The following HNRNPM variants were observed in gnomAD, a reference collection of about 807,000 sequenced individuals.
The protein encoded by HNRNPM is CEA receptor.
A neutral mutation model predicts 73.1 loss-of-function variants in HNRNPM; 11 were observed. The ratio of observed to expected loss-of-function variants is 0.15; its 90% CI spans 0.09 to 0.25. HNRNPM has a LOEUF of 0.25. HNRNPM is among the 10% of genes least tolerant of loss of function. The pLI, the probability that HNRNPM is intolerant of heterozygous loss-of-function variation, is 1.00. For missense variants in HNRNPM, 789 were observed against 1,067.9 expected, an observed-to-expected ratio of 0.74 and a Z score of 3.64; for synonymous variants, 407 against 355.2, an observed-to-expected ratio of 1.15 and a Z score of -1.64.
Position 8,465,522 on chromosome 19 carries a change from A to G in HNRNPM, c.630+7A>G. On this transcript the variant is annotated splice_region_variant and intron_variant, in intron 6 of 15. Coordinates refer to ENST00000325495, the MANE Select transcript of HNRNPM (RefSeq NM_005968.5). ...CACAGTATTTGTAGCAAATGTAAGT[A>G]AACAGAACCATCGTCTAAAGTAGAA... 1 of 1,573,542 alleles carries G rather than the reference A, an allele frequency of 6.4e-7. No individual in the cohort carries two copies. Among genetic ancestry groups the G allele is most frequent in the Non-Finnish European group, 8.7e-7 (1 of 1,151,422 alleles).
In HNRNPM at chr19:8,486,174, G is replaced by A. The variant is rs770058640; in HGVS notation, c.1746G>A (p.Glu582=). 1.9e-6 allele frequency: 3 copies of A among 1,587,292 alleles called. No individual in the cohort carries two copies. The highest frequency in any genetic ancestry group is 2.7e-5 in the African/African-American group (2 of 74,502). The change falls in exon 14 of 16, where the codon GAG becomes GAA. Residue 582 remains glutamate (E), a synonymous_variant. Transcript: ENST00000325495. The part of the protein sequence containing the change: ...GANSLERMGL[E]RMGANSLERM... The stretch of plus-strand genomic sequence containing the variant: ...ACAGCCTCGAGCGCATGGGCCTGGA[G>A]CGCATGGGTGCCAACAGCCTCGAGC...
intron 6 of HNRNPM, among the ~76,000 whole-genome samples, 197 bp from the exon 7 acceptor site, chr19:8,466,038 C>T (rs1043243565): frequency 5.3e-5 from 8 of 152,106 alleles, no homozygotes; most frequent in African/African-American, 1.9e-4. Flanking sequence ...AATATATTTA[C>T]TATAGGTACA....
chr19:8,461,726 G>A (rs1222022598), intron 2 of HNRNPM, among the ~76,000 whole-genome samples: 3 of 149,584 alleles, frequency 2.0e-5, no homozygotes, highest in East Asian at 1.9e-4. Context: ...GAATTTATTT[G>A]TGTCCTTTAA....
chr19:8,470,132 T>C lies in HNRNPM; in HGVS notation c.896-1194T>C, dbSNP rs1970028635. ...CTCCAGGGAGCCTGTTATCCATGGC[T>C]CTTGGTCTCCCGGCCATTTCGGAGG... is the stretch of plus-strand genomic sequence containing the variant. On this transcript the variant is annotated intron_variant, in intron 9 of 15. Coordinates refer to ENST00000325495, the MANE Select transcript of HNRNPM (RefSeq NM_005968.5). 2.0e-5 allele frequency among the ~76,000 whole-genome samples: 3 copies of C among 152,220 alleles called. 1 individual carries two copies. The South Asian group carries it at 6.2e-4, about 32-fold the overall frequency.
chr19:8,447,184 G>A (rs1358013736), intron 1 of HNRNPM, among the ~76,000 whole-genome samples: 2 of 151,598 alleles, frequency 1.3e-5, no homozygotes, highest in African/African-American at 4.8e-5. Flanking sequence ...AAGTCTCAAA[G>A]TCTAGTACTA....
chr19:8,468,661 G>T, intron 8 of HNRNPM, 113 bp from the exon 9 acceptor site: 1 of 762,802 alleles, frequency 1.3e-6, no homozygotes, highest in African/African-American at 1.7e-5. Flanking sequence ...ACTCCATGGC[G>T]TGGATAATGT....
At chr19:8,479,938 C>T (rs1226047311) in intron 12 of HNRNPM, among the ~76,000 whole-genome samples, 1 of 149,428 alleles carries the variant, frequency 6.7e-6, no homozygotes, top group Non-Finnish European at 1.5e-5. Context: ...CCATGTCCGG[C>T]TAATTTTTTG....
chr19:8,471,722 A>G (rs1206933522), intron 10 of HNRNPM, among the ~76,000 whole-genome samples: 3 of 152,218 alleles, frequency 2.0e-5, no homozygotes, highest in Non-Finnish European at 4.4e-5. Context: ...ATCTTGCTCA[A>G]GGTCACACTG....
In HNRNPM at chr19:8,445,013, C is replaced by A. The variant is rs762082643; in HGVS notation, c.15C>A (p.Val5=). 6 of 1,423,656 alleles carry A rather than the reference C, an allele frequency of 4.2e-6. No homozygotes were observed. The highest frequency in any genetic ancestry group is 3.0e-5 in the African/African-American group (2 of 66,728). 88.2% of individuals were successfully genotyped at this position (1,423,656 alleles called of 1,614,324 possible). A position where few individuals can be genotyped will look rare whatever the true frequency, so the allele number is the denominator to read the frequency against. Reference sequence around the variant, plus strand: ...ACGCGGAGAAAATGGCGGCAGGGGTCGAAGCGGCGGCGGAGGTGGCGGCGA... The same window carrying A: ...ACGCGGAGAAAATGGCGGCAGGGGTAGAAGCGGCGGCGGAGGTGGCGGCGA... MAAG[V]EAAAEVAATE... Residue 5 remains valine, a synonymous_variant, in exon 1 of 16, where the codon GTC becomes GTA. Coordinates refer to ENST00000325495, the MANE Select transcript of HNRNPM (RefSeq NM_005968.5).
intron 12 of HNRNPM, among the ~76,000 whole-genome samples, chr19:8,479,584 AG>A (rs1215413691): frequency 2.0e-5 from 3 of 151,896 alleles, no homozygotes; most frequent in Admixed American, 1.3e-4. Context: ...CTGAGTGGCT[AG>A]GAACACAGGC....
intron 10 of HNRNPM, among the ~76,000 whole-genome samples, chr19:8,473,355 G>A (rs2145705002): frequency 6.6e-6 from 1 of 152,242 alleles, no homozygotes. Flanking sequence ...CAGCTAGTCG[G>A]GAGGCTGAGG....
intron 1 of HNRNPM, among the ~76,000 whole-genome samples, chr19:8,451,499 A>G (rs1162082144): frequency 6.6e-6 from 1 of 151,522 alleles, no homozygotes; most frequent in African/African-American, 2.4e-5. Flanking sequence ...CTTTTATACT[A>G]TCACATCATC....
In HNRNPM at chr19:8,465,426, C is replaced by T. The variant is rs145100927; in HGVS notation, c.541C>T (p.Pro181Ser). ...TGGCCCAGGAATGATTACTATCCCACCCAGTATCCTAAATAATCCCAACAT... is the reference window on the plus strand; with the variant it reads ...TGGCCCAGGAATGATTACTATCCCATCCAGTATCCTAAATAATCCCAACAT... ...PGGPGMITIP[P>S]SILNNPNIPN... The change falls in exon 6 of 16, where the codon CCC (proline) becomes TCC (serine). Residue 181 changes from proline to serine, a missense_variant. Physicochemically the swap from Pro to Ser is moderately conservative, Grantham distance 74. This residue lies in a region of HNRNPM where 604 missense variants were observed against 744.0 expected (regional missense o/e 0.81). Coordinates refer to ENST00000325495, the MANE Select transcript of HNRNPM (RefSeq NM_005968.5). 78 of 1,613,570 alleles carry T rather than the reference C, an allele frequency of 4.8e-5. No individual in the cohort carries two copies. The highest frequency in any genetic ancestry group is 6.3e-5 in the Non-Finnish European group (74 of 1,179,638).
intron 1 of HNRNPM, among the ~76,000 whole-genome samples, chr19:8,449,298 G>A (rs1968448321): frequency 6.6e-6 from 1 of 152,016 alleles, no homozygotes; most frequent in South Asian, 2.1e-4. Flanking sequence ...TGGGAGGGGG[G>A]GTTCTCCAAT....
intron 1 of HNRNPM, among the ~76,000 whole-genome samples, chr19:8,446,769 GA>G (rs1212777510): frequency 3.3e-5 from 5 of 152,148 alleles, no homozygotes; most frequent in Admixed American, 2.0e-4. Context: ...TAAATCCGGA[GA>G]AAATTCCAGA....
At chr19:8,478,473 C>A (rs1432207087) in intron 12 of HNRNPM, among the ~76,000 whole-genome samples, 3 of 152,068 alleles carry the variant, frequency 2.0e-5, no homozygotes, top group Non-Finnish European at 2.9e-5. Flanking sequence ...CTTTGGAGAG[C>A]CTCTTGGCAG....
At chr19:8,473,971 G>T (rs1251306837) in intron 11 of HNRNPM, among the ~76,000 whole-genome samples, 196 bp from the exon 12 acceptor site, 1 of 151,780 alleles carries the variant, frequency 6.6e-6, no homozygotes, top group Non-Finnish European at 1.5e-5. Flanking sequence ...TGAGGGGGTT[G>T]GATCAGACCA....
chr19:8,485,116 G>GC (rs1026618735), intron 13 of HNRNPM, among the ~76,000 whole-genome samples: 1 of 151,966 alleles, frequency 6.6e-6, no homozygotes, highest in Admixed American at 6.6e-5. Flanking sequence ...AGCCAGAGTG[G>GC]CCCCCAGCAG....
chr19:8,445,237 C>T (rs939586859), intron 1 of HNRNPM, 126 bp downstream of exon 1: 4 of 850,280 alleles, frequency 4.7e-6, no homozygotes, highest in African/African-American at 3.6e-5. Flanking sequence ...GTTCCCGTAC[C>T]GCCTGCTCAG....
Sources: gnomAD v4.1 joint callset for allele counts (sites outside exome capture counted in the v4.1 genomes callset) on GRCh38, gnomAD v4.1.1 for gene constraint, gnomAD v4.1.1 regional missense constraint, MANE v1.5 for transcripts, NCBI Gene and HGNC (gene_info 2026-07-23, HGNC 2026-07-21) for gene names.